TMEM217: variants seen among roughly 807,000 people sequenced by gnomAD.
TMEM217 encodes transmembrane protein 217, also known as chromosome 6 open reading frame 128.
For missense variants in TMEM217, 204 were observed against 248.8 expected (o/e 0.82, Z 1.21); for synonymous variants, 76 against 88.3 (o/e 0.86, Z 0.78).
At chr6:37,229,206 T>G (rs1307333457) in intron 1 of TMEM217, among the ~76,000 whole-genome samples, 2 of 149,676 alleles carry the variant, frequency 1.3e-5, no homozygotes, top group African/African-American at 5.1e-5. Flanking sequence ...GATTTTTACC[T>G]GTCAGATTTA....
intron 1 of TMEM217, among the ~76,000 whole-genome samples, chr6:37,228,808 T>A (rs1763992051): frequency 6.6e-6 from 1 of 151,128 alleles, no homozygotes. Context: ...CCATCCTGAC[T>A]AACACGGTGA....
At chr6:37,243,936 CCAG>C (rs1764930449) in intron 1 of TMEM217, among the ~76,000 whole-genome samples, 1 of 152,150 alleles carries the variant, frequency 6.6e-6, no homozygotes, top group African/African-American at 2.4e-5. Flanking sequence ...ATGGAGTCAG[CCAG>C]TCCTCAGAAA....
At chr6:37,248,307 G>A (rs149492689) in intron 1 of TMEM217, among the ~76,000 whole-genome samples, 117 of 152,228 alleles carry the variant, frequency 7.7e-4, no homozygotes, top group African/African-American at 2.7e-3. Flanking sequence ...TACAGTAGAT[G>A]CTCAATAAAA....
At chr6:37,218,453 A>C in exon 2 of TMEM217, 1 of 1,611,648 alleles carries the variant, frequency 6.2e-7, no homozygotes, top group Non-Finnish European at 8.5e-7. Context: ...CTGGGATTCC[A>C]GGTGTGAGCC....
intron 1 of TMEM217, among the ~76,000 whole-genome samples, chr6:37,247,172 A>G (rs1396483181): frequency 6.6e-6 from 1 of 152,178 alleles, no homozygotes; most frequent in East Asian, 1.9e-4. Context: ...CCCCTGCTGC[A>G]GTATCTTTTG....
intron 1 of TMEM217, among the ~76,000 whole-genome samples, chr6:37,255,271 G>T (rs979905824): frequency 6.6e-6 from 1 of 152,180 alleles, no homozygotes; most frequent in Admixed American, 6.5e-5. Flanking sequence ...GACTGGAGAG[G>T]TGAGTGGAGC....
chr6:37,224,871 A>G (rs1163780275), intron 1 of TMEM217, among the ~76,000 whole-genome samples: 2 of 152,176 alleles, frequency 1.3e-5, no homozygotes, highest in African/African-American at 4.8e-5. Context: ...ATATGTGAAT[A>G]AAACTTTATT....
chr6:37,252,631 ATATATATTTTTTTT>A (rs1765489936), intron 1 of TMEM217, among the ~76,000 whole-genome samples: 2 of 77,328 alleles, frequency 2.6e-5, no homozygotes, highest in Non-Finnish European at 4.7e-5. Flanking sequence ...ATATATATAT[ATATATATTTTTTTT>A]TTTTTTTTTT....
At chr6:37,228,876 A>G (rs1359248901) in intron 1 of TMEM217, among the ~76,000 whole-genome samples, 2 of 151,808 alleles carry the variant, frequency 1.3e-5, no homozygotes, top group Admixed American at 1.3e-4. Flanking sequence ...GGGTGCCTGT[A>G]GTCCCAGCTA....
chr6:37,255,683 C>CAAA (rs56891432), intron 1 of TMEM217, among the ~76,000 whole-genome samples: 2 of 102,456 alleles, frequency 2.0e-5, no homozygotes, highest in African/African-American at 7.0e-5. Flanking sequence ...GACCTGGTCT[C>CAAA]AAAAAAAAAA....
intron 1 of TMEM217, among the ~76,000 whole-genome samples, chr6:37,252,637 A>ATTTTTT (rs374265453): frequency 5.6e-5 from 4 of 71,358 alleles, no homozygotes; most frequent in Non-Finnish European, 8.4e-5. Context: ...ATATATATAT[A>ATTTTTT]TTTTTTTTTT....
upstream of TMEM217, chr6:37,258,132 C>A: frequency 1.3e-6 from 1 of 797,232 alleles, no homozygotes; most frequent in Non-Finnish European, 1.9e-6. Flanking sequence ...GGCAGCGAAG[C>A]GAACAGCGAG....
chr6:37,245,784 TTTTCTTTC>T (rs1190759768), intron 1 of TMEM217, among the ~76,000 whole-genome samples: 2 of 140,232 alleles, frequency 1.4e-5, no homozygotes, highest in Non-Finnish European at 3.1e-5. Context: ...TTTTCTTTTC[TTTTCTTTC>T]TTTCTTTCTT....
chr6:37,234,151 G>A (rs1764360045), intron 1 of TMEM217, among the ~76,000 whole-genome samples: 1 of 149,358 alleles, frequency 6.7e-6, no homozygotes, highest in South Asian at 2.1e-4. Context: ...CCAGGATGGA[G>A]TGCAGTGGTG....
At chr6:37,236,868 C>G (rs1207018655) in intron 1 of TMEM217, among the ~76,000 whole-genome samples, 1 of 152,140 alleles carries the variant, frequency 6.6e-6, no homozygotes, top group Non-Finnish European at 1.5e-5. Flanking sequence ...GTAGCCTCTC[C>G]TAGAAGACTC....
chr6:37,242,377 C>T (rs1294740985), intron 1 of TMEM217, among the ~76,000 whole-genome samples: 1 of 152,230 alleles, frequency 6.6e-6, no homozygotes, highest in Non-Finnish European at 1.5e-5. Flanking sequence ...TATTCACCCT[C>T]AACTTTTCAA....
chr6:37,252,633 ATATATTTTTTTTTTT>A (rs1765494315), intron 1 of TMEM217, among the ~76,000 whole-genome samples: 1 of 75,278 alleles, frequency 1.3e-5, no homozygotes, highest in Non-Finnish European at 2.5e-5. Context: ...ATATATATAT[ATATATTTTTTTTTTT>A]TTTTTTTTTT....
At chr6:37,214,189 G>A (rs538112463), downstream of TMEM217, among the ~76,000 whole-genome samples, 3 of 152,282 alleles carry the variant, frequency 2.0e-5, no homozygotes, top group African/African-American at 4.8e-5. Context: ...TCACGTTGTC[G>A]TGCAAGCATA....
intron 1 of TMEM217, among the ~76,000 whole-genome samples, chr6:37,221,230 A>C (rs1763501602): frequency 6.7e-6 from 1 of 149,014 alleles, no homozygotes; most frequent in Admixed American, 6.8e-5. Context: ...TCTGTCGCCC[A>C]GGCTGGAATG....
Sources: allele counts gnomAD v4.1 joint callset (sites outside exome capture counted in the v4.1 genomes callset), GRCh38; gene constraint gnomAD v4.1.1; transcripts MANE v1.5; gene names NCBI Gene and HGNC (gene_info 2026-07-23, HGNC 2026-07-21).